Variants in DPP6 observed in about 807,000 individuals in gnomAD.
The protein encoded by DPP6 is dipeptidyl peptidase like 6.
In DPP6, 69 loss-of-function variants were observed where a neutral mutation model predicts 122.6. The observed-to-expected ratio is 0.56, with a 90% CI of 0.46 to 0.69. The LOEUF is 0.69. Ranked by LOEUF, DPP6 falls within the 30% of genes least tolerant of loss-of-function variation. DPP6 has a pLI of 0.00. For missense variants in DPP6, 928 were observed against 1,116.9 expected, an observed-to-expected ratio of 0.83 and a Z score of 2.41; for synonymous variants, 418 against 433.1, an observed-to-expected ratio of 0.97 and a Z score of 0.43.
chr7:153,752,121 A>G, the DPP6 span, among the ~76,000 whole-genome samples: 4 of 152,202 alleles, frequency 2.6e-5, no homozygotes, highest in Non-Finnish European at 5.9e-5. Context: ...GGCTCGCAGC[A>G]GGACCTGCCA....
At chr7:154,124,022 A>G (rs1807700886) in intron 1 of DPP6, among the ~76,000 whole-genome samples, 1 of 151,672 alleles carries the variant, frequency 6.6e-6, no homozygotes, top group African/African-American at 2.4e-5. Context: ...CCATGGGGAC[A>G]GACATGCCGC....
chr7:154,121,801 T>C (rs758115317), intron 1 of DPP6, among the ~76,000 whole-genome samples: 8 of 152,230 alleles, frequency 5.3e-5, no homozygotes, highest in Non-Finnish European at 8.8e-5. Flanking sequence ...GCTTCTAATG[T>C]AGGTGTTCCC....
upstream of DPP6, among the ~76,000 whole-genome samples, chr7:153,883,433 A>G (rs564250237): frequency 9.2e-5 from 14 of 151,660 alleles, no homozygotes; most frequent in South Asian, 2.9e-3. Flanking sequence ...CCCAGGCCGG[A>G]GTGCAATGGC....
chr7:154,885,955 C>T (rs1806117315), intron 22 of DPP6, among the ~76,000 whole-genome samples: 1 of 152,194 alleles, frequency 6.6e-6, no homozygotes, highest in African/African-American at 2.4e-5. Context: ...GTGGTCAATC[C>T]CCAGATGCCT....
chr7:154,892,448 G>C lies in DPP6; in HGVS notation c.2566G>C (p.Val856Leu). ...CFRIQDKLLTVTAKEDEEED is the reference protein window; with the variant it reads ...CFRIQDKLLTLTAKEDEEED ...CAGGATCCAGGACAAACTGCTGACAGTCACAGCGAAAGAGGACGAGGAGGA... is the reference window on the plus strand; with the variant it reads ...CAGGATCCAGGACAAACTGCTGACACTCACAGCGAAAGAGGACGAGGAGGA... Residue 856 changes from valine (V) to leucine (L), a missense_variant, in exon 26 of 26, where the codon GTC becomes CTC. Transcript: ENST00000377770. 1.9e-6 allele frequency: 3 copies of C among 1,614,032 alleles called. No individual in the cohort carries two copies. Among genetic ancestry groups the C allele is most frequent in the Non-Finnish European group, 2.5e-6 (3 of 1,179,896 alleles).
chr7:154,748,516 C>T (rs531317658), intron 8 of DPP6, among the ~76,000 whole-genome samples: 6 of 152,298 alleles, frequency 3.9e-5, no homozygotes, highest in Middle Eastern at 3.4e-3. Flanking sequence ...CACTAGACAA[C>T]GCCAAGAGAA....
the DPP6 span, among the ~76,000 whole-genome samples, chr7:153,873,607 T>C: frequency 1.3e-5 from 2 of 152,224 alleles, no homozygotes; most frequent in South Asian, 4.1e-4. Context: ...TGGTTTATTC[T>C]CGACAGGAAA....
At chr7:154,674,402 G>C (rs993766154) in intron 7 of DPP6, among the ~76,000 whole-genome samples, 1 of 152,182 alleles carries the variant, frequency 6.6e-6, no homozygotes, top group Non-Finnish European at 1.5e-5. Flanking sequence ...CATGCACTTG[G>C]AGTTGAAGCT....
At chr7:154,089,060 AC>A (rs906369134) in intron 1 of DPP6, among the ~76,000 whole-genome samples, 62 of 152,250 alleles carry the variant, frequency 4.1e-4, no homozygotes, top group African/African-American at 1.3e-3. Context: ...AGTTGAAAAC[AC>A]TAAAGTTGTG....
intron 8 of DPP6, among the ~76,000 whole-genome samples, chr7:154,762,492 C>G (rs1219064177): frequency 6.6e-6 from 1 of 152,230 alleles, no homozygotes; most frequent in African/African-American, 2.4e-5. Flanking sequence ...TTCTGATGTT[C>G]CATGCCTACT....
At chr7:153,890,694 T>G (rs1018551675) in intron 1 of DPP6, among the ~76,000 whole-genome samples, 4 of 137,570 alleles carry the variant, frequency 2.9e-5, no homozygotes, top group African/African-American at 1.1e-4. Context: ...TTTTTTTTTT[T>G]TTTTTTTTTT....
intron 1 of DPP6, among the ~76,000 whole-genome samples, chr7:154,212,839 G>GCA (rs981844880): frequency 6.6e-6 from 1 of 152,178 alleles, no homozygotes; most frequent in Non-Finnish European, 1.5e-5. Flanking sequence ...ATGCTGAGGA[G>GCA]CACACAGGTG....
At chr7:153,867,284 G>A in the DPP6 span, among the ~76,000 whole-genome samples, 103,622 of 151,976 alleles carry the variant, frequency 0.68, 35,538 homozygotes, top group African/African-American at 0.76. Flanking sequence ...ACCCATGAGC[G>A]TGGAATGTTC....
rs550559739 is a variant in DPP6 at position 154,396,494 on chromosome 7, T to C, written c.244-49720T>C. ...CCTATAACTTCAGAGAGAGTAATTG[T>C]CCAGCTAGCACCTTCCTGAACCAAG... On this transcript the variant is annotated intron_variant, in intron 1 of 25. Coordinates refer to ENST00000377770, the MANE Select transcript of DPP6 (RefSeq NM_130797.4). Among the ~76,000 whole-genome samples the C allele has an allele frequency of 4.6e-5, 7 of 152,314 alleles. No homozygotes were observed. In the East Asian group the frequency reaches 1.4e-3, roughly 29 times the overall value.
At chr7:154,621,197 T>A (rs1269181497) in intron 5 of DPP6, among the ~76,000 whole-genome samples, 1 of 152,166 alleles carries the variant, frequency 6.6e-6, no homozygotes, top group Non-Finnish European at 1.5e-5. Context: ...TAGCTTCTAC[T>A]GGCAACTACG....
At chr7:154,128,846 AG>A (rs1352014010) in intron 1 of DPP6, among the ~76,000 whole-genome samples, 2 of 144,752 alleles carry the variant, frequency 1.4e-5, no homozygotes, top group African/African-American at 2.5e-5. Context: ...TGACCCTGGG[AG>A]GTATAACTAC....
chr7:154,074,613 A>T (rs1421729609), intron 1 of DPP6, among the ~76,000 whole-genome samples: 1 of 152,218 alleles, frequency 6.6e-6, no homozygotes, highest in African/African-American at 2.4e-5. Context: ...GTCTCCATTT[A>T]ATGCTTTAAG....
intron 8 of DPP6, among the ~76,000 whole-genome samples, chr7:154,752,997 G>A (rs1037521842): frequency 1.3e-5 from 2 of 152,112 alleles, no homozygotes; most frequent in African/African-American, 2.4e-5. Context: ...TGCTGGGGTT[G>A]TGTTTCTTGG....
At chr7:154,286,870 A>G (rs1804889516) in intron 1 of DPP6, among the ~76,000 whole-genome samples, 1 of 148,870 alleles carries the variant, frequency 6.7e-6, no homozygotes, top group African/African-American at 2.5e-5. Flanking sequence ...CAGTGGAGCT[A>G]TCTTGGCTCA....
Sources: allele counts gnomAD v4.1 joint callset (sites outside exome capture counted in the v4.1 genomes callset), GRCh38; gene constraint gnomAD v4.1.1; transcripts MANE v1.5; gene names NCBI Gene and HGNC (gene_info 2026-07-23, HGNC 2026-07-21).